Variants in PBX1 observed in about 807,000 individuals in gnomAD.
PBX1 encodes PBX homeobox 1, also known as pre-B-cell leukemia transcription factor 1.
In PBX1, 6 loss-of-function variants were observed where a neutral mutation model predicts 53.4. The ratio of observed to expected loss-of-function variants is 0.11; its 90% CI spans 0.06 to 0.22. The LOEUF is 0.22. Among genes scored for constraint, PBX1 ranks in the 10% least tolerant of loss-of-function variants. PBX1 has a pLI of 1.00. For missense variants in PBX1, 251 were observed against 551.4 expected (o/e 0.46, Z 5.46); for synonymous variants, 204 against 212.3 (o/e 0.96, Z 0.34).
chr1:164,882,134 T>A (rs1672675674), intron 2 of PBX1, among the ~76,000 whole-genome samples: 1 of 152,024 alleles, frequency 6.6e-6, no homozygotes, highest in Non-Finnish European at 1.5e-5. Flanking sequence ...TTTTTGGTAG[T>A]TGAGGTAGGA....
At chr1:164,786,700 T>C (rs975805583) in intron 2 of PBX1, among the ~76,000 whole-genome samples, 80 of 147,496 alleles carry the variant, frequency 5.4e-4, no homozygotes, top group Middle Eastern at 3.4e-3. Flanking sequence ...TGTGTGTGTG[T>C]GTGTGTGTGT....
chr1:164,818,178 C>T (rs186225314), intron 6 of PBX1: 1 of 151,988 alleles, frequency 6.6e-6, no homozygotes, highest in Non-Finnish European at 1.5e-5. Flanking sequence ...AGGGATAGAA[C>T]TAGTATATAG....
At chr1:164,725,099 AC>A (rs1232988272) in intron 2 of PBX1, among the ~76,000 whole-genome samples, 1 of 145,218 alleles carries the variant, frequency 6.9e-6, no homozygotes, top group Non-Finnish European at 1.5e-5. Flanking sequence ...GGCAGCTTGA[AC>A]CCCCCACCCC....
At chr1:164,638,317 T>G (rs547775587) in intron 2 of PBX1, among the ~76,000 whole-genome samples, 1 of 152,304 alleles carries the variant, frequency 6.6e-6, no homozygotes, top group East Asian at 1.9e-4. Flanking sequence ...AGGAAAACAT[T>G]ATGAACCAGG....
chr1:164,665,653 G>A (rs1660760878), intron 2 of PBX1, among the ~76,000 whole-genome samples: 2 of 152,196 alleles, frequency 1.3e-5, no homozygotes, highest in Non-Finnish European at 2.9e-5. Context: ...GGGCCTGGCA[G>A]CCTGTGTTTG....
At chr1:164,590,453 G>C (rs1313461428) in intron 2 of PBX1, 1 of 455,810 alleles carries the variant, frequency 2.2e-6, no homozygotes, top group Non-Finnish European at 4.4e-6. Context: ...GCTGCTCTGT[G>C]GGAAGTGAAT....
At chr1:164,568,802 G>T (rs1653620307) in intron 2 of PBX1, among the ~76,000 whole-genome samples, 1 of 152,212 alleles carries the variant, frequency 6.6e-6, no homozygotes, top group South Asian at 2.1e-4. Flanking sequence ...CTCAAAGATG[G>T]CACTTCTCGG....
intron 2 of PBX1, among the ~76,000 whole-genome samples, chr1:164,574,604 G>C (rs563254503): frequency 1.6e-4 from 25 of 152,140 alleles, no homozygotes; most frequent in Middle Eastern, 3.2e-3. Context: ...TGTAAAACTG[G>C]TTATGGTGGT....
At chr1:164,759,618 T>C (rs1241515618) in intron 2 of PBX1, among the ~76,000 whole-genome samples, 1 of 152,120 alleles carries the variant, frequency 6.6e-6, no homozygotes, top group Non-Finnish European at 1.5e-5. Context: ...AAAGAAAGTA[T>C]CATTCCAATT....
chr1:164,560,394 C>G (rs374743860), intron 1 of PBX1: 1 of 394,608 alleles, frequency 2.5e-6, no homozygotes, highest in Non-Finnish European at 4.5e-6. Flanking sequence ...AACAGCATTC[C>G]ATGCCTTCTT....
At chr1:164,821,954 A>G (rs1487378172) in intron 8 of PBX1, among the ~76,000 whole-genome samples, 1 of 152,184 alleles carries the variant, frequency 6.6e-6, no homozygotes, top group Non-Finnish European at 1.5e-5. Flanking sequence ...TGTGACCACA[A>G]GCTGGGGCCT....
intron 2 of PBX1, among the ~76,000 whole-genome samples, chr1:164,588,408 T>A (rs1382478636): frequency 4.1e-5 from 6 of 147,880 alleles, no homozygotes; most frequent in Non-Finnish European, 7.4e-5. Flanking sequence ...CCAGCCAGTA[T>A]ATGTAAGTGC....
At chr1:164,699,282 T>A (rs1662967654) in intron 2 of PBX1, among the ~76,000 whole-genome samples, 1 of 152,146 alleles carries the variant, frequency 6.6e-6, no homozygotes, top group South Asian at 2.1e-4. Flanking sequence ...ATGATGAAAA[T>A]ACAAATAGTT....
intron 2 of PBX1, among the ~76,000 whole-genome samples, chr1:164,758,398 G>A (rs1353889032): frequency 2.0e-5 from 3 of 152,186 alleles, no homozygotes; most frequent in Non-Finnish European, 4.4e-5. Context: ...GCGAGCTGCA[G>A]GCCGACTCTG....
At chr1:164,565,120 G>A (rs1232890015) in intron 2 of PBX1, among the ~76,000 whole-genome samples, 1 of 152,050 alleles carries the variant, frequency 6.6e-6, no homozygotes, top group Non-Finnish European at 1.5e-5. Context: ...ACCTACTGAG[G>A]CAGTAGATTA....
rs764959671 is a variant in PBX1 at position 164,773,525 on chromosome 1, C to T, written c.266-18969C>T. On this transcript the variant is annotated intron_variant, in intron 2 of 8. Transcript: ENST00000420696. ...AAGAGTTCCCTGTCAAAGACTATGGCGTGAAAGATCACTGCTTTCAGGCTT... is the reference window on the plus strand; with the variant it reads ...AAGAGTTCCCTGTCAAAGACTATGGTGTGAAAGATCACTGCTTTCAGGCTT... Among the ~76,000 whole-genome samples the T allele has an allele frequency of 7.7e-4, 113 of 147,504 alleles. 2 individuals carry two copies. Among genetic ancestry groups the T allele is most frequent in the Middle Eastern group, 3.5e-3 (1 of 288 alleles).
rs61802576 is a variant in PBX1 at position 164,786,720 on chromosome 1, T to A, written c.266-5774T>A. 4.3e-5 allele frequency among the ~76,000 whole-genome samples: 5 copies of A among 116,294 alleles called. No individual in the cohort carries two copies. The East Asian group carries it at 1.1e-3, about 25-fold the overall frequency. The allele number at this position is 116,294 out of a possible 152,430, so 76.3% of individuals were successfully genotyped here. ...GTGTGTGTGTGTGTGTGTGTGTGTG[T>A]GCGCGCGCACACACACACACGCACA... is the stretch of plus-strand genomic sequence containing the variant. On this transcript the variant is annotated intron_variant, in intron 2 of 8. Transcript: ENST00000420696.
rs58819847 is a variant in PBX1, at chr1:164,850,467, CAA to C, written c.*3801_*3802del. On this transcript the variant is annotated 3_prime_UTR_variant, in exon 9 of 9. Transcript: ENST00000420696. ...TTCTTGATTCTTGCTCTTAAAAATA[CAA>C]AAAAAAAAATGTTTTGTTTTGTGTT... 7 of 178,970 alleles carry C rather than the reference CAA, an allele frequency of 3.9e-5. No individual in the cohort carries two copies. Among genetic ancestry groups the C allele is most frequent in the Non-Finnish European group, 5.8e-5 (5 of 86,368 alleles). 11.1% of individuals were successfully genotyped at this position (178,970 alleles called of 1,614,324 possible). A position where few individuals can be genotyped will look rare whatever the true frequency, so the allele number is the denominator to read the frequency against.
At chr1:164,580,541 C>T (rs543364184) in intron 2 of PBX1, among the ~76,000 whole-genome samples, 2 of 150,648 alleles carry the variant, frequency 1.3e-5, no homozygotes, top group South Asian at 2.1e-4. Context: ...CGGCCTCCCA[C>T]AGTGCTGGGA....
Sources: allele counts gnomAD v4.1 joint callset (sites outside exome capture counted in the v4.1 genomes callset), GRCh38; gene constraint gnomAD v4.1.1; transcripts MANE v1.5; gene names NCBI Gene and HGNC (gene_info 2026-07-23, HGNC 2026-07-21).